The following NRG2 variants were observed in gnomAD, a reference collection of about 807,000 sequenced individuals.
The protein encoded by NRG2 is neuregulin 2, also known as pro-neuregulin-2, membrane-bound isoform.
Under a neutral mutation model 73.9 loss-of-function variants are expected in NRG2, and 27 were observed. That is an observed-to-expected ratio of 0.37 (90% CI 0.27 to 0.50). The LOEUF (loss-of-function observed/expected upper bound fraction) is 0.50, where lower values mean the gene tolerates loss of function less well. NRG2 is among the 20% of genes least tolerant of loss of function. The pLI, the probability that NRG2 is intolerant of heterozygous loss-of-function variation, is 0.96. For missense variants in NRG2, 1,126 were observed against 1,210.1 expected, an observed-to-expected ratio of 0.93 and a Z score of 1.03; for synonymous variants, 532 against 541.0, an observed-to-expected ratio of 0.98 and a Z score of 0.23.
chr5:139,913,569 G>A (rs1464504241), intron 1 of NRG2, among the ~76,000 whole-genome samples: 5 of 152,232 alleles, frequency 3.3e-5, no homozygotes, highest in Non-Finnish European at 7.3e-5. Context: ...GGCCTGAGGG[G>A]TCCCTATGAG....
At chr5:139,896,099 G>C (rs1764526176) in intron 1 of NRG2, among the ~76,000 whole-genome samples, 1 of 152,012 alleles carries the variant, frequency 6.6e-6, no homozygotes, top group Non-Finnish European at 1.5e-5. Flanking sequence ...GAAAGGGGGA[G>C]GCACCCTGTA....
intron 1 of NRG2, among the ~76,000 whole-genome samples, chr5:139,920,752 G>GACAAAACAAA (rs561547280): frequency 6.6e-6 from 1 of 151,990 alleles, no homozygotes; most frequent in Non-Finnish European, 1.5e-5. Context: ...GAATACTCCA[G>GACAAAACAAA]ACAAAACAAA....
At chr5:139,937,064 A>G (rs1752903942) in intron 1 of NRG2, among the ~76,000 whole-genome samples, 1 of 152,200 alleles carries the variant, frequency 6.6e-6, no homozygotes, top group African/African-American at 2.4e-5. Context: ...GGCCTCCCAA[A>G]CTGTTGGGAT....
intron 1 of NRG2, among the ~76,000 whole-genome samples, chr5:139,979,328 T>C (rs1367545152): frequency 6.6e-6 from 1 of 152,116 alleles, no homozygotes; most frequent in Non-Finnish European, 1.5e-5. Context: ...TGATCACGAG[T>C]AGAGCCCCTC....
chr5:139,955,335 A>G (rs1408223982), intron 1 of NRG2, among the ~76,000 whole-genome samples: 1 of 152,082 alleles, frequency 6.6e-6, no homozygotes, highest in Non-Finnish European at 1.5e-5. Context: ...GGTGTTGCAG[A>G]GAGGAGGAGC....
At chr5:139,992,140 T>C (rs1330845672) in intron 1 of NRG2, among the ~76,000 whole-genome samples, 4 of 152,256 alleles carry the variant, frequency 2.6e-5, no homozygotes, top group Non-Finnish European at 5.9e-5. Context: ...TCCCTTAATT[T>C]ATTAAGTACT....
intron 1 of NRG2, among the ~76,000 whole-genome samples, chr5:140,027,822 G>A (rs1760821426): frequency 6.6e-6 from 1 of 152,142 alleles, no homozygotes; most frequent in African/African-American, 2.4e-5. Context: ...GATGAAAAGG[G>A]ACATCTACAA....
intron 1 of NRG2, among the ~76,000 whole-genome samples, chr5:139,947,967 C>G (rs893863071): frequency 2.6e-5 from 4 of 152,146 alleles, no homozygotes; most frequent in Non-Finnish European, 4.4e-5. Context: ...ATCAGTGGAA[C>G]CAAGTACATG....
chr5:139,973,366 CT>C (rs937495917), intron 1 of NRG2, among the ~76,000 whole-genome samples: 24 of 151,144 alleles, frequency 1.6e-4, no homozygotes, highest in Non-Finnish European at 3.0e-4. Context: ...TCCTCATATA[CT>C]TTTTTTTTGA....
Position 139,868,882 on chromosome 5 carries a change from G to A in NRG2, c.1112+2839C>T, listed in dbSNP as rs1762668591. Among the ~76,000 whole-genome samples the A allele has an allele frequency of 6.6e-6, 1 of 151,976 alleles. No homozygotes were observed. Among genetic ancestry groups the A allele is most frequent in the African/African-American group, 2.4e-5 (1 of 41,350 alleles). On this transcript the variant is annotated intron_variant, in intron 4 of 9. Transcript: ENST00000361474. This position sits in a 1 kb window ranked among gnomAD's most constrained non-coding sequence, Gnocchi z 4.2. ...GTGGGGTAGGGGCAGAGGGATGAGG[G>A]GGATGAGCTGATGGGAAGGGGAGGC...
chr5:140,012,930 C>T (rs1759479458), intron 1 of NRG2, among the ~76,000 whole-genome samples: 1 of 152,212 alleles, frequency 6.6e-6, no homozygotes, highest in South Asian at 2.1e-4. Flanking sequence ...ACTGGTCTCA[C>T]TTTAAATTCA....
intron 1 of NRG2, among the ~76,000 whole-genome samples, chr5:140,021,769 C>G (rs963778095): frequency 6.6e-6 from 1 of 152,158 alleles, no homozygotes; most frequent in Non-Finnish European, 1.5e-5. Context: ...GGTCTCCCAG[C>G]CTCAGCGAGG....
At chr5:139,897,819 A>G (rs755883795) in intron 1 of NRG2, among the ~76,000 whole-genome samples, 11 of 152,160 alleles carry the variant, frequency 7.2e-5, no homozygotes, top group Non-Finnish European at 1.6e-4. Context: ...CTGCCCTAGA[A>G]TGGCAGAGCA....
intron 1 of NRG2, among the ~76,000 whole-genome samples, chr5:140,025,275 C>T (rs1760595529): frequency 6.6e-6 from 1 of 152,122 alleles, no homozygotes; most frequent in South Asian, 2.1e-4. Flanking sequence ...TACCTGCCAT[C>T]TCTGTAACAC....
At chr5:139,944,974 G>A (rs1279816310) in intron 1 of NRG2, among the ~76,000 whole-genome samples, 1 of 152,088 alleles carries the variant, frequency 6.6e-6, no homozygotes, top group Non-Finnish European at 1.5e-5. Flanking sequence ...ACCTCATTGT[G>A]GTTTTGATTT....
At chr5:139,977,735 C>G (rs1236105815) in intron 1 of NRG2, among the ~76,000 whole-genome samples, 1 of 152,120 alleles carries the variant, frequency 6.6e-6, no homozygotes, top group Non-Finnish European at 1.5e-5. Flanking sequence ...GGTACTGGTA[C>G]CAAAACAGAG....
At chr5:140,033,882 A>G (rs1172945216) in intron 1 of NRG2, among the ~76,000 whole-genome samples, 1 of 152,172 alleles carries the variant, frequency 6.6e-6, no homozygotes, top group African/African-American at 2.4e-5. Flanking sequence ...TGCCATCACT[A>G]TCTTCATTTT....
chr5:139,871,854 G>T lies in NRG2; in HGVS notation c.992-13C>A. The T allele has an allele frequency of 6.2e-7, 1 of 1,613,412 alleles. No homozygotes were observed. The highest frequency in any genetic ancestry group is 1.1e-5 in the South Asian group (1 of 90,970). ...AGGGTGGTGCTCACTGAGGGTATGA[G>T]AGACATGTGCCAGTGACGCACTGAG... On this transcript the variant is annotated splice_polypyrimidine_tract_variant and intron_variant, in intron 3 of 9. Transcript: ENST00000361474.
Position 139,952,860 on chromosome 5 carries a change from G to T in NRG2, c.701-65349C>A, listed in dbSNP as rs574156025. On this transcript the variant is annotated intron_variant, in intron 1 of 9. Transcript: ENST00000361474. ...GAGGCTGCAGGCCTGGGTTCAGAGG[G>T]AGGCAACATCTGGCCAGCTGTGAGC... 1.1e-4 allele frequency among the ~76,000 whole-genome samples: 17 copies of T among 152,274 alleles called. No individual in the cohort carries two copies. The South Asian group carries it at 3.3e-3, about 30-fold the overall frequency.
Sources: allele counts gnomAD v4.1 joint callset (sites outside exome capture counted in the v4.1 genomes callset), GRCh38; gene constraint gnomAD v4.1.1; non-coding constraint Gnocchi (gnomAD v3.1); transcripts MANE v1.5; gene names NCBI Gene and HGNC (gene_info 2026-07-23, HGNC 2026-07-21).